The following KCNIP1 variants were observed in gnomAD, a reference collection of about 807,000 sequenced individuals.
KCNIP1 encodes the protein potassium voltage-gated channel interacting protein 1.
KCNIP1 carries 18 observed loss-of-function variants against 33.0 expected under a neutral mutation model. The ratio of observed to expected loss-of-function variants is 0.55; its 90% CI spans 0.38 to 0.81. The LOEUF is 0.81. Among genes scored for constraint, KCNIP1 ranks in the 30% least tolerant of loss-of-function variants. KCNIP1 has a pLI of 0.00. For synonymous variants in KCNIP1, 93 were observed against 98.3 expected, an observed-to-expected ratio of 0.95 and a Z score of 0.32; for missense variants, 238 against 271.6, an observed-to-expected ratio of 0.88 and a Z score of 0.87.
chr5:170,438,202 C>T (rs1345487040), intron 1 of KCNIP1, among the ~76,000 whole-genome samples: 3 of 152,226 alleles, frequency 2.0e-5, no homozygotes, highest in Admixed American at 6.5e-5. Context: ...CCTTCCCACA[C>T]AGGCTGTGCC....
chr5:170,448,179 AT>A (rs1756163267), intron 1 of KCNIP1, among the ~76,000 whole-genome samples: 1 of 152,180 alleles, frequency 6.6e-6, no homozygotes, highest in African/African-American at 2.4e-5. Flanking sequence ...GCCTATTGAT[AT>A]TGTTGAATGA....
At chr5:170,415,750 T>C (rs1755312076) in intron 1 of KCNIP1, among the ~76,000 whole-genome samples, 1 of 152,158 alleles carries the variant, frequency 6.6e-6, no homozygotes, top group Non-Finnish European at 1.5e-5. Flanking sequence ...TTTTCTATTT[T>C]GATTATCTCT....
At chr5:170,618,068 C>A (rs562712213) in intron 1 of KCNIP1, among the ~76,000 whole-genome samples, 6 of 152,146 alleles carry the variant, frequency 3.9e-5, no homozygotes, top group Non-Finnish European at 5.9e-5. Context: ...GCCCTCCAAC[C>A]GACCACTGGA....
intron 1 of KCNIP1, among the ~76,000 whole-genome samples, chr5:170,469,136 C>T (rs568155310): frequency 6.6e-6 from 1 of 152,122 alleles, no homozygotes; most frequent in Non-Finnish European, 1.5e-5. Flanking sequence ...TGGTTCATGC[C>T]TGTAATCCTC....
At chr5:170,586,052 C>A (rs1757977512) in intron 1 of KCNIP1, among the ~76,000 whole-genome samples, 1 of 152,206 alleles carries the variant, frequency 6.6e-6, no homozygotes. Flanking sequence ...GCAGGCCGGG[C>A]AACATGCCTG....
At chr5:170,401,600 C>A (rs961285872) in intron 1 of KCNIP1, among the ~76,000 whole-genome samples, 1 of 152,010 alleles carries the variant, frequency 6.6e-6, no homozygotes, top group Non-Finnish European at 1.5e-5. Flanking sequence ...CCCATCTCTA[C>A]AATTTCTTTT....
intron 5 of KCNIP1, among the ~76,000 whole-genome samples, chr5:170,727,909 C>T (rs983153461): frequency 1.3e-5 from 2 of 152,186 alleles, no homozygotes; most frequent in African/African-American, 4.8e-5. Flanking sequence ...GCACCACACT[C>T]CAGCCTGGGC....
At chr5:170,604,421 A>T (rs1477756804) in intron 1 of KCNIP1, among the ~76,000 whole-genome samples, 1 of 152,124 alleles carries the variant, frequency 6.6e-6, no homozygotes, top group Non-Finnish European at 1.5e-5. Flanking sequence ...GATCGGAGGA[A>T]CAGAAGAAAG....
At chr5:170,433,462 T>G (rs1273466667) in intron 1 of KCNIP1, among the ~76,000 whole-genome samples, 13 of 152,180 alleles carry the variant, frequency 8.5e-5, no homozygotes, top group Non-Finnish European at 1.9e-4. Flanking sequence ...GCTGGGATTA[T>G]AGGCATGAGC....
chr5:170,385,394 G>A lies in KCNIP1; in HGVS notation c.88+31430G>A, dbSNP rs45574034. The A allele has an allele frequency of 9.6e-3, 15,478 of 1,614,034 alleles. 71 individuals are homozygous for A. Among genetic ancestry groups the A allele is most frequent in the Non-Finnish European group, 0.012 (13,948 of 1,179,982 alleles). On this transcript the variant is annotated intron_variant, in intron 1 of 7. Coordinates refer to the KCNIP1 transcript ENST00000377360. ...CACACACCACCATGGTTACACCCAG[G>A]CAAAGGGCTCGTGTCTCTCCCCGCT...
rs779252558 is a variant in KCNIP1, at chr5:170,504,402, G to A, written c.-171G>A. 1 of 1,444,700 alleles carries A rather than the reference G, an allele frequency of 6.9e-7. No homozygotes were observed. The highest frequency in any genetic ancestry group is 9.0e-7 in the Non-Finnish European group (1 of 1,105,230). The allele number at this position is 1,444,700 out of a possible 1,614,324, so 89.5% of individuals were successfully genotyped here. On this transcript the variant is annotated 5_prime_UTR_variant, in exon 1 of 8. Transcript: ENST00000328939. This position sits in a 1 kb window ranked among gnomAD's most constrained non-coding sequence, Gnocchi z 6.0. Reference sequence around the variant, plus strand: ...TGCATGTGCGGGGCTGAAGAAGGAAGCCAGAAGCCTCCTAGCCTCGCCTCC... The same window carrying A: ...TGCATGTGCGGGGCTGAAGAAGGAAACCAGAAGCCTCCTAGCCTCGCCTCC...
chr5:170,385,664 G>A lies in KCNIP1; in HGVS notation c.88+31700G>A, dbSNP rs564495989. ...TTCCCTGTGCAATTGAGAGGCAATT[G>A]CAGATAAAAGACCTACGGCTCAGAG... On this transcript the variant is annotated intron_variant, in intron 1 of 7. Coordinates refer to the KCNIP1 transcript ENST00000377360. 9.9e-5 allele frequency among the ~76,000 whole-genome samples: 15 copies of A among 152,168 alleles called. No homozygotes were observed. The South Asian group carries it at 2.7e-3, about 27-fold the overall frequency.
intron 1 of KCNIP1, among the ~76,000 whole-genome samples, chr5:170,444,389 C>T (rs1398991746): frequency 6.6e-6 from 1 of 152,136 alleles, no homozygotes; most frequent in Non-Finnish European, 1.5e-5. Context: ...CTCGTGCCTC[C>T]CTATGTCATT....
At chr5:170,576,925 G>A (rs1248270494) in intron 1 of KCNIP1, among the ~76,000 whole-genome samples, 4 of 152,270 alleles carry the variant, frequency 2.6e-5, no homozygotes, top group Non-Finnish European at 4.4e-5. Flanking sequence ...ATTGCTGGTC[G>A]ATTCGTCTTT....
At chr5:170,508,808 G>A (rs1423167725) in intron 1 of KCNIP1, among the ~76,000 whole-genome samples, 1 of 152,166 alleles carries the variant, frequency 6.6e-6, no homozygotes, top group Non-Finnish European at 1.5e-5. Context: ...GCCCCAGAGA[G>A]AAGTGATTTC....
chr5:170,525,604 G>T (rs1755537617), intron 1 of KCNIP1, among the ~76,000 whole-genome samples: 1 of 152,204 alleles, frequency 6.6e-6, no homozygotes, highest in Admixed American at 6.5e-5. Flanking sequence ...TAATTTGGGA[G>T]CCTGTGACCT....
intron 1 of KCNIP1, among the ~76,000 whole-genome samples, chr5:170,554,256 A>C (rs1035152728): frequency 3.9e-5 from 6 of 152,210 alleles, no homozygotes; most frequent in Non-Finnish European, 7.3e-5. Flanking sequence ...CAGGTGGCCC[A>C]GAATGGGGAC....
Position 170,721,878 on chromosome 5 carries a change from C to T in KCNIP1, c.302C>T (p.Thr101Ile), listed in dbSNP as rs777758538. 1.2e-6 allele frequency: 2 copies of T among 1,614,176 alleles called. No homozygotes were observed. Among genetic ancestry groups the T allele is most frequent in the East Asian group, 4.5e-5 (2 of 44,876 alleles). ...AHYLFNAFDT[T>I]QTGSVKFEDF... is the part of the protein sequence containing the mutation. The stretch of plus-strand genomic sequence containing the variant: ...TACCTCTTCAATGCCTTCGACACCA[C>T]TCAGACAGGCTCCGTGAAGTTCGAG... The change falls in exon 4 of 8, where the codon ACT becomes ATT. Residue 101 changes from threonine (T) to isoleucine (I), a missense_variant. Transcript: ENST00000328939.
At chr5:170,425,296 G>C (rs1316402036) in intron 1 of KCNIP1, among the ~76,000 whole-genome samples, 1 of 152,200 alleles carries the variant, frequency 6.6e-6, no homozygotes, top group Non-Finnish European at 1.5e-5. Context: ...GAATTAACTT[G>C]TCTCATTCTT....
Sources: gnomAD v4.1 joint callset for allele counts (sites outside exome capture counted in the v4.1 genomes callset) on GRCh38, gnomAD v4.1.1 for gene constraint, Gnocchi (gnomAD v3.1) non-coding constraint, MANE v1.5 for transcripts, NCBI Gene and HGNC (gene_info 2026-07-23, HGNC 2026-07-21) for gene names.